Variants in TUBA4B observed in about 807,000 individuals in gnomAD.
The protein encoded by TUBA4B is tubulin alpha 4b.
In TUBA4B, 13 loss-of-function variants were observed where a neutral mutation model predicts 18.4. The ratio of observed to expected loss-of-function variants is 0.71; its 90% CI spans 0.46 to 1.12. The LOEUF is 1.12. TUBA4B is among the 50% of genes most tolerant of loss of function. The pLI is 0.00. For synonymous variants in TUBA4B, 101 were observed against 99.1 expected, an observed-to-expected ratio of 1.02 and a Z score of -0.11; for missense variants, 244 against 250.0, an observed-to-expected ratio of 0.98 and a Z score of 0.16.
At chr2:219,258,912 C>T (rs1951741236) in intron 1 of TUBA4B, among the ~76,000 whole-genome samples, 1 of 151,928 alleles carries the variant, frequency 6.6e-6, no homozygotes, top group Non-Finnish European at 1.5e-5. Flanking sequence ...ATACCCTGGC[C>T]ACTGTAGCTA....
chr2:219,253,954 G>A (rs1358429982), intron 1 of TUBA4B: 9 of 1,185,846 alleles, frequency 7.6e-6, no homozygotes, highest in Non-Finnish European at 8.8e-6. Context: ...TATAGGCGGG[G>A]GGGGGGCGGG....
At chr2:219,260,296 T>A (rs1183380734) in intron 1 of TUBA4B, among the ~76,000 whole-genome samples, 5 of 152,200 alleles carry the variant, frequency 3.3e-5, no homozygotes, top group African/African-American at 4.8e-5. Flanking sequence ...GGTATATTTT[T>A]AATAATATTC....
chr2:219,271,847 T>C lies in TUBA4B; in HGVS notation c.*148T>C. 1 of 1,538,544 alleles carries C rather than the reference T, an allele frequency of 6.5e-7. No homozygotes were observed. Among genetic ancestry groups the C allele is most frequent in the Non-Finnish European group, 9.0e-7 (1 of 1,111,524 alleles). On this transcript the variant is annotated 3_prime_UTR_variant, in exon 4 of 4. Coordinates refer to ENST00000490341, the MANE Select transcript of TUBA4B (RefSeq NM_001355221.1). ...GACTGGTGCCCCACAGGCTTTAAGG[T>C]TGATATCAATCACCAGCCTCCCACT...
chr2:219,257,460 G>A (rs546622314), intron 1 of TUBA4B, among the ~76,000 whole-genome samples: 1 of 147,238 alleles, frequency 6.8e-6, no homozygotes, highest in East Asian at 2.0e-4. Context: ...GACCAACATA[G>A]TGAAACCCCG....
In TUBA4B at chr2:219,271,649, T is replaced by C. The variant is rs3731894; in HGVS notation, c.676T>C (p.Trp226Arg). Residue 226 changes from tryptophan (W) to arginine (R), a missense_variant, in exon 4 of 4, where the codon TGG (tryptophan) becomes CGG (arginine). Coordinates refer to ENST00000490341, the MANE Select transcript of TUBA4B (RefSeq NM_001355221.1). Reference sequence around the variant, plus strand: ...GAAAAGGTATACCACGAGCAGCTGTTGGTGGCAGAGATTACCAATGCCTGC... The same window carrying C: ...GAAAAGGTATACCACGAGCAGCTGTCGGTGGCAGAGATTACCAATGCCTGC... ...LQKRYTTSSC[W>R]WQRLPMPALS... 0.9 allele frequency: 1,453,250 copies of C among 1,613,808 alleles called. 655,550 individuals are homozygous for C. Among genetic ancestry groups the C allele is most frequent in the East Asian group, 0.96 (43,030 of 44,870 alleles).
rs556071510 is a variant in TUBA4B, at chr2:219,264,060, G to A, written c.13-2461G>A. Among the ~76,000 whole-genome samples, 15 of 152,262 alleles carry A rather than the reference G, an allele frequency of 9.9e-5. No individual in the cohort carries two copies. The East Asian group carries it at 2.1e-3, about 22-fold the overall frequency. On this transcript the variant is annotated intron_variant, in intron 1 of 3. Transcript: ENST00000490341. ...AAAGATATGTTGTAGGGCCCCCAGC[G>A]GATGCCTGAAATGGCGGATAGTACT...
rs1327273249 is a variant in TUBA4B, at chr2:219,271,316, C to A, written c.343C>A (p.Gln115Lys). 3 of 1,599,514 alleles carry A rather than the reference C, an allele frequency of 1.9e-6. No homozygotes were observed. The highest frequency in any genetic ancestry group is 1.7e-5 in the Admixed American group (1 of 59,984). The change falls in exon 4 of 4, where the codon CAG (glutamine) becomes AAG (lysine). Residue 115 changes from glutamine to lysine, a missense_variant. Coordinates refer to ENST00000490341, the MANE Select transcript of TUBA4B (RefSeq NM_001355221.1). The stretch of plus-strand genomic sequence containing the variant: ...GGGATTCTCCATCTACCCAGCCCCC[C>A]AGGTGTCTACAGCCATGGTCCAGCC... The part of the protein sequence containing the change: ...KLGFSIYPAP[Q>K]VSTAMVQPYN...
chr2:219,253,354 C>CGGGGG lies in TUBA4B; in HGVS notation c.-48_-44dup, dbSNP rs60456844. 8.4e-6 allele frequency: 11 copies of CGGGGG among 1,302,734 alleles called. No individual in the cohort carries two copies. The South Asian group carries it at 9.6e-5, about 11-fold the overall frequency. 80.7% of individuals were successfully genotyped at this position (1,302,734 alleles called of 1,614,324 possible). A position where few individuals can be genotyped will look rare whatever the true frequency, so the allele number is the denominator to read the frequency against. ...AGCTCAGACGCGGGGTGCTGAGTCA[C>CGGGGG]GGGGGGGGGGTGGTTCTGTGGATAG... On this transcript the variant is annotated 5_prime_UTR_variant, in exon 1 of 4. Coordinates refer to ENST00000490341, the MANE Select transcript of TUBA4B (RefSeq NM_001355221.1).
Position 219,271,906 on chromosome 2 carries a change from G to A in TUBA4B, c.*207G>A, listed in dbSNP as rs570314164. On this transcript the variant is annotated 3_prime_UTR_variant, in exon 4 of 4. Coordinates refer to ENST00000490341, the MANE Select transcript of TUBA4B (RefSeq NM_001355221.1). ...TGGGAGTGACCTGGTAAAGTGCAACGTGCCATGTGCATGCTGAGCAACATG... is the reference window on the plus strand; with the variant it reads ...TGGGAGTGACCTGGTAAAGTGCAACATGCCATGTGCATGCTGAGCAACATG... 289 of 1,432,420 alleles carry A rather than the reference G, an allele frequency of 2.0e-4. 3 individuals carry two copies. In the South Asian group the frequency reaches 2.8e-3, roughly 14 times the overall value. 88.7% of individuals were successfully genotyped at this position (1,432,420 alleles called of 1,614,324 possible).
In TUBA4B at chr2:219,266,565, T is replaced by C. The variant is rs958314833; in HGVS notation, c.57T>C (p.His19=). The C allele has an allele frequency of 1.4e-6, 1 of 702,776 alleles. No homozygotes were observed. Among genetic ancestry groups the C allele is most frequent in the Non-Finnish European group, 2.6e-6 (1 of 384,946 alleles). The allele number at this position is 702,776 out of a possible 1,614,324, so 43.5% of individuals were successfully genotyped here. ...CCAGCCAGCCCCTGTCCAGGCAGCA[T>C]GGTGAGTAGAAGGGGCCTTGGGGGG... is the stretch of plus-strand genomic sequence containing the variant. The part of the protein sequence containing the change: ...QDPSQPLSRQ[H]GTYRQIFHPE... Residue 19 remains histidine, a splice_region_variant and synonymous_variant, in exon 2 of 4, where the codon CAT becomes CAC. Transcript: ENST00000490341.
Position 219,272,182 on chromosome 2 carries a change from T to G in TUBA4B, c.*483T>G. 1 of 491,230 alleles carries G rather than the reference T, an allele frequency of 2.0e-6. No homozygotes were observed. The highest frequency in any genetic ancestry group is 3.7e-6 in the Non-Finnish European group (1 of 268,064). 30.4% of individuals were successfully genotyped at this position (491,230 alleles called of 1,614,324 possible). A position where few individuals can be genotyped will look rare whatever the true frequency, so the allele number is the denominator to read the frequency against. On this transcript the variant is annotated 3_prime_UTR_variant, in exon 4 of 4. Transcript: ENST00000490341. ...TGTGTCTGTCCTACATAAAGTGCTG[T>G]GGCCTTATTGTCTCACGAATGTCTT...
chr2:219,254,512 G>T (rs1951700152), intron 1 of TUBA4B: 2 of 152,248 alleles, frequency 1.3e-5, no homozygotes, highest in South Asian at 4.1e-4. Flanking sequence ...TGCCTTAGGC[G>T]CTCCCGCAGA....
At chr2:219,254,189 A>G in intron 1 of TUBA4B, 1 of 282,892 alleles carries the variant, frequency 3.5e-6, no homozygotes, top group Non-Finnish European at 6.6e-6. Flanking sequence ...CTCCGCGGAG[A>G]TGCAGGGTGC....
At chr2:219,256,835 A>C (rs895626580) in intron 1 of TUBA4B, among the ~76,000 whole-genome samples, 1 of 152,154 alleles carries the variant, frequency 6.6e-6, no homozygotes, top group African/African-American at 2.4e-5. Flanking sequence ...CAAAAAATAA[A>C]AATTATAAAA....
intron 1 of TUBA4B, among the ~76,000 whole-genome samples, chr2:219,257,842 CTA>C (rs200428721): frequency 1.9e-4 from 29 of 150,354 alleles, no homozygotes; most frequent in African/African-American, 5.1e-4. Context: ...TATACACACA[CTA>C]TATATATATA....
At chr2:219,255,700 T>C (rs1234820925) in intron 1 of TUBA4B, among the ~76,000 whole-genome samples, 1 of 152,114 alleles carries the variant, frequency 6.6e-6, no homozygotes, top group African/African-American at 2.4e-5. Flanking sequence ...CTCCCTTCAC[T>C]GGGGAAAGTC....
At chr2:219,255,384 A>G (rs1024290317) in intron 1 of TUBA4B, among the ~76,000 whole-genome samples, 1 of 152,012 alleles carries the variant, frequency 6.6e-6, no homozygotes, top group African/African-American at 2.4e-5. Context: ...GATTACAGGC[A>G]TGGATGCCTG....
intron 1 of TUBA4B, among the ~76,000 whole-genome samples, chr2:219,260,024 C>T (rs912174484): frequency 1.3e-5 from 2 of 152,170 alleles, no homozygotes; most frequent in African/African-American, 2.4e-5. Flanking sequence ...CTTTCTTAGC[C>T]GCTCACAGCA....
chr2:219,262,309 G>A (rs1239288319), intron 1 of TUBA4B, among the ~76,000 whole-genome samples: 4 of 152,136 alleles, frequency 2.6e-5, no homozygotes, highest in East Asian at 1.9e-4. Flanking sequence ...AGCGAGACTC[G>A]AGACTCTGTC....
Sources: gnomAD v4.1 joint callset for allele counts (sites outside exome capture counted in the v4.1 genomes callset) on GRCh38, gnomAD v4.1.1 for gene constraint, MANE v1.5 for transcripts, NCBI Gene and HGNC (gene_info 2026-07-23, HGNC 2026-07-21) for gene names.